DCDC2C: variants seen among roughly 807,000 people sequenced by gnomAD.
DCDC2C encodes the protein doublecortin domain containing 2C.
In DCDC2C, 44 loss-of-function variants were observed where a neutral mutation model predicts 45.0. The observed-to-expected ratio is 0.98, with a 90% confidence interval of 0.77 to 1.26. The LOEUF (loss-of-function observed/expected upper bound fraction) is 1.26. Among genes scored for constraint, DCDC2C ranks in the 50% most tolerant of loss-of-function variants. The pLI, the probability that DCDC2C is intolerant of heterozygous loss-of-function variation, is 0.00. For synonymous variants in DCDC2C, 187 were observed against 178.8 expected (o/e 1.05, Z -0.37); for missense variants, 447 against 468.9 (o/e 0.95, Z 0.43).
intron 1 of DCDC2C, among the ~76,000 whole-genome samples, chr2:3,707,580 A>T (rs1558556253): frequency 6.6e-6 from 1 of 152,192 alleles, no homozygotes; most frequent in East Asian, 1.9e-4. Flanking sequence ...AATAATATGA[A>T]CTTTTGGTCT....
chr2:3,844,897 T>C lies in DCDC2C; in HGVS notation c.1066-2257T>C, dbSNP rs567496269. Reference sequence around the variant, plus strand: ...TTAGCCACTTTGCGAACGGCACATGTTTACATAGTTATCTCTAACATGTTC... The same window carrying C: ...TTAGCCACTTTGCGAACGGCACATGCTTACATAGTTATCTCTAACATGTTC... On this transcript the variant is annotated intron_variant, in intron 10 of 10. Transcript: ENST00000399143. Among the ~76,000 whole-genome samples the C allele has an allele frequency of 2.0e-5, 3 of 152,322 alleles. No individual in the cohort carries two copies. In the East Asian group the frequency reaches 5.8e-4, roughly 29 times the overall value.
intron 3 of DCDC2C, among the ~76,000 whole-genome samples, chr2:3,740,285 C>T (rs1268249514): frequency 6.6e-6 from 1 of 152,188 alleles, no homozygotes; most frequent in African/African-American, 2.4e-5. Context: ...AATATCTTCA[C>T]CTCTAAATCT....
At chr2:3,839,631 C>T (rs116657428) in intron 10 of DCDC2C, among the ~76,000 whole-genome samples, 456 of 152,292 alleles carry the variant, frequency 3.0e-3, no homozygotes, top group African/African-American at 0.011. Context: ...CATTCTTGTT[C>T]GTTTTTCCCT....
chr2:3,748,574 TG>T (rs2148119567), intron 4 of DCDC2C, among the ~76,000 whole-genome samples: 1 of 151,772 alleles, frequency 6.6e-6, no homozygotes, highest in South Asian at 2.1e-4. Flanking sequence ...GACATCAGAG[TG>T]GGATGCGCCA....
chr2:3,808,804 CCTTT>C (rs1671321229), intron 10 of DCDC2C, among the ~76,000 whole-genome samples: 1 of 152,140 alleles, frequency 6.6e-6, no homozygotes, highest in African/African-American at 2.4e-5. Flanking sequence ...CCTTTTGTGT[CCTTT>C]CTAAAATTTC....
intron 6 of DCDC2C, among the ~76,000 whole-genome samples, chr2:3,755,092 T>C (rs1176247842): frequency 6.6e-6 from 1 of 152,190 alleles, no homozygotes; most frequent in Non-Finnish European, 1.5e-5. Flanking sequence ...TATGTGTGTG[T>C]ATGTACTGGT....
chr2:3,729,096 C>T (rs1051366084), intron 3 of DCDC2C, among the ~76,000 whole-genome samples: 3 of 152,256 alleles, frequency 2.0e-5, no homozygotes, highest in Non-Finnish European at 4.4e-5. Flanking sequence ...GGAAAACACC[C>T]TGAGTCAGTG....
intron 10 of DCDC2C, among the ~76,000 whole-genome samples, chr2:3,836,564 T>G (rs1317235394): frequency 6.6e-6 from 1 of 152,232 alleles, no homozygotes; most frequent in African/African-American, 2.4e-5. Flanking sequence ...GGAAGCTGCT[T>G]AAAGAGTACA....
At chr2:3,775,095 A>G (rs534825040) in intron 8 of DCDC2C, among the ~76,000 whole-genome samples, 1 of 151,674 alleles carries the variant, frequency 6.6e-6, no homozygotes, top group East Asian at 1.9e-4. Context: ...GTGAGGAACA[A>G]CGTAGGGAGT....
In DCDC2C at chr2:3,814,099, A is replaced by T. The variant is rs186299143; in HGVS notation, c.1065+28999A>T. ...TGATTCCTTCAGGATATTCTCCTGG[A>T]TAACATCCTGAAGTGTGTTTTCCAG... On this transcript the variant is annotated intron_variant, in intron 10 of 10. Coordinates refer to ENST00000399143, the MANE Select transcript of DCDC2C (RefSeq NM_001287444.2). Among the ~76,000 whole-genome samples the T allele has an allele frequency of 1.7e-3, 254 of 152,152 alleles. 1 individual carries two copies. The highest frequency in any genetic ancestry group is 5.8e-3 in the African/African-American group (242 of 41,522).
At chr2:3,801,191 A>C (rs1467262794) in intron 10 of DCDC2C, among the ~76,000 whole-genome samples, 1 of 152,226 alleles carries the variant, frequency 6.6e-6, no homozygotes, top group Non-Finnish European at 1.5e-5. Flanking sequence ...TCACTGAAGG[A>C]GGAGTTCCTC....
chr2:3,749,762 G>C (rs150873708), intron 4 of DCDC2C, among the ~76,000 whole-genome samples: 34 of 152,268 alleles, frequency 2.2e-4, no homozygotes, highest in African/African-American at 7.7e-4. Flanking sequence ...CAAGTCCTGC[G>C]CTGAGCTATC....
chr2:3,714,758 C>A (rs1376909573), intron 2 of DCDC2C, among the ~76,000 whole-genome samples: 1 of 152,208 alleles, frequency 6.6e-6, no homozygotes, highest in Non-Finnish European at 1.5e-5. Flanking sequence ...TAAAATTTAA[C>A]TTTGTCCAGG....
intron 10 of DCDC2C, among the ~76,000 whole-genome samples, chr2:3,837,081 G>T (rs1672099110): frequency 6.6e-6 from 1 of 152,078 alleles, no homozygotes; most frequent in Non-Finnish European, 1.5e-5. Context: ...CTTCCTTTCC[G>T]TCTCTTTGGG....
chr2:3,820,452 C>T (rs185421903), intron 10 of DCDC2C, among the ~76,000 whole-genome samples: 233 of 152,104 alleles, frequency 1.5e-3, no homozygotes, highest in Middle Eastern at 3.4e-3. Context: ...TAGTGAGCAG[C>T]GAAAGCAGGC....
chr2:3,776,311 C>T lies in DCDC2C; in HGVS notation c.955-2505C>T, dbSNP rs1207300502. Among the ~76,000 whole-genome samples, 4 of 152,160 alleles carry T rather than the reference C, an allele frequency of 2.6e-5. No individual in the cohort carries two copies. The East Asian group carries it at 5.8e-4, about 22-fold the overall frequency. On this transcript the variant is annotated intron_variant, in intron 8 of 10. Coordinates refer to ENST00000399143, the MANE Select transcript of DCDC2C (RefSeq NM_001287444.2). The stretch of plus-strand genomic sequence containing the variant: ...TTGAGCGTGTCTGTCTCCCCTCATG[C>T]GTGGAGCTGGTCTGCAGGGAGTGGT...
intron 8 of DCDC2C, among the ~76,000 whole-genome samples, chr2:3,771,813 G>C (rs1349966667): frequency 6.6e-6 from 1 of 152,196 alleles, no homozygotes; most frequent in Non-Finnish European, 1.5e-5. Flanking sequence ...CTGCCTGCTG[G>C]GCAGGCTCTT....
chr2:3,799,204 C>G (rs918136047), intron 10 of DCDC2C, among the ~76,000 whole-genome samples: 14 of 152,268 alleles, frequency 9.2e-5, no homozygotes, highest in African/African-American at 3.4e-4. Context: ...GTTCTCGAGC[C>G]TTGTTTTTCA....
At position 3,847,658 on chromosome 2, in the gene DCDC2C, AG is replaced by A. The variant is rs1020798593; in HGVS notation, c.*478del. ...TTCAAAGTGAAAAGGAAAAAAATCC[AG>A]GGTTCGCTGGTGACATGGTTTGGCT... On this transcript the variant is annotated 3_prime_UTR_variant, in exon 11 of 11. Transcript: ENST00000399143. 1.3e-5 allele frequency among the ~76,000 whole-genome samples: 2 copies of A among 152,234 alleles called. No homozygotes were observed. Among genetic ancestry groups the A allele is most frequent in the African/African-American group, 4.8e-5 (2 of 41,462 alleles).
Sources: allele counts gnomAD v4.1 joint callset (sites outside exome capture counted in the v4.1 genomes callset), GRCh38; gene constraint gnomAD v4.1.1; transcripts MANE v1.5; gene names NCBI Gene and HGNC (gene_info 2026-07-23, HGNC 2026-07-21).